CWC27: variants seen among roughly 807,000 people sequenced by gnomAD.
The protein encoded by CWC27 is spliceosome-associated protein CWC27 homolog.
In CWC27, 47 loss-of-function variants were observed where a neutral mutation model predicts 63.6. The ratio of observed to expected loss-of-function variants is 0.74; its 90% CI spans 0.58 to 0.94. The LOEUF is 0.94. Among genes scored for constraint, CWC27 ranks in the 40% least tolerant of loss-of-function variants. CWC27 has a pLI of 0.00. For missense variants in CWC27, 495 were observed against 554.3 expected, an observed-to-expected ratio of 0.89 and a Z score of 1.07; for synonymous variants, 175 against 179.8, an observed-to-expected ratio of 0.97 and a Z score of 0.22.
At chr5:64,892,229 G>T (rs1446839833) in intron 11 of CWC27, among the ~76,000 whole-genome samples, 2 of 152,074 alleles carry the variant, frequency 1.3e-5, no homozygotes, top group Non-Finnish European at 2.9e-5. Flanking sequence ...TTTGACAAGA[G>T]CCTTTAGCTA....
At chr5:64,907,421 T>G (rs1747672060) in intron 11 of CWC27, among the ~76,000 whole-genome samples, 1 of 152,212 alleles carries the variant, frequency 6.6e-6, no homozygotes, top group South Asian at 2.1e-4. Flanking sequence ...TTTATTCTCT[T>G]TGTAACAATT....
At chr5:64,827,966 G>A (rs993884044) in intron 10 of CWC27, among the ~76,000 whole-genome samples, 1 of 152,098 alleles carries the variant, frequency 6.6e-6, no homozygotes, top group African/African-American at 2.4e-5. Flanking sequence ...TAGCTGCCTG[G>A]TAGTCACTTA....
rs528107701 is a variant in CWC27, at chr5:64,827,091, A to T, written c.938+22705A>T. On this transcript the variant is annotated intron_variant, in intron 10 of 13. Coordinates refer to ENST00000381070, the MANE Select transcript of CWC27 (RefSeq NM_005869.4). ...AAAGAAAATAGAAAGTTAACATAGC[A>T]GGTCTTCGCATCCTTTCCTTAGAAG... Among the ~76,000 whole-genome samples, 6 of 152,282 alleles carry T rather than the reference A, an allele frequency of 3.9e-5. No homozygotes were observed. The East Asian group carries it at 7.7e-4, about 20-fold the overall frequency.
chr5:64,898,259 T>C (rs116498765), intron 11 of CWC27, among the ~76,000 whole-genome samples: 114 of 152,244 alleles, frequency 7.5e-4, no homozygotes, highest in African/African-American at 2.7e-3. Context: ...TAAGCAGTTA[T>C]TGCATTAGAT....
intron 11 of CWC27, among the ~76,000 whole-genome samples, chr5:64,887,559 G>T (rs1046951943): frequency 1.3e-5 from 2 of 151,974 alleles, no homozygotes; most frequent in Non-Finnish European, 2.9e-5. Context: ...GTAGAGACAG[G>T]GTTTCACCAT....
intron 10 of CWC27, among the ~76,000 whole-genome samples, chr5:64,823,490 C>A (rs995611418): frequency 1.4e-4 from 21 of 152,144 alleles, no homozygotes; most frequent in African/African-American, 5.1e-4. Context: ...GACAAGCCTA[C>A]CTACAAAATT....
intron 2 of CWC27, among the ~76,000 whole-genome samples, chr5:64,781,273 A>G (rs1204635783): frequency 1.3e-5 from 2 of 152,174 alleles, no homozygotes; most frequent in Non-Finnish European, 2.9e-5. Flanking sequence ...GGACTCAAGT[A>G]TGTATTGTGT....
intron 11 of CWC27, among the ~76,000 whole-genome samples, chr5:64,885,968 A>G (rs888716042): frequency 1.3e-5 from 2 of 152,154 alleles, no homozygotes; most frequent in Admixed American, 6.5e-5. Context: ...ATATTCTTTA[A>G]AACATTTTTA....
At chr5:64,826,379 T>C (rs1745359308) in intron 10 of CWC27, among the ~76,000 whole-genome samples, 1 of 152,182 alleles carries the variant, frequency 6.6e-6, no homozygotes, top group Admixed American at 6.5e-5. Flanking sequence ...TTTCAGTTAT[T>C]TGACATTTAT....
At chr5:64,965,760 A>G (rs1187669632) in intron 11 of CWC27, among the ~76,000 whole-genome samples, 1 of 152,166 alleles carries the variant, frequency 6.6e-6, no homozygotes, top group East Asian at 1.9e-4. Flanking sequence ...CTATCACCAA[A>G]CAGATATTTT....
chr5:64,888,895 C>G (rs534169553), intron 11 of CWC27, among the ~76,000 whole-genome samples: 27 of 152,094 alleles, frequency 1.8e-4, no homozygotes, highest in Non-Finnish European at 3.8e-4. Context: ...AGTACAGCAA[C>G]TCAGCAGACA....
chr5:65,001,629 T>A (rs1749733586), intron 13 of CWC27, among the ~76,000 whole-genome samples: 1 of 152,206 alleles, frequency 6.6e-6, no homozygotes. Flanking sequence ...TTTATTGATT[T>A]GTGTATGTTG....
At position 64,855,479 on chromosome 5, in the gene CWC27, A is replaced by T. The variant is rs536341390; in HGVS notation, c.939-29964A>T. Among the ~76,000 whole-genome samples the T allele has an allele frequency of 2.6e-4, 39 of 152,238 alleles. 1 individual carries two copies. In the South Asian group the frequency reaches 7.9e-3, roughly 31 times the overall value. On this transcript the variant is annotated intron_variant, in intron 10 of 13. Coordinates refer to ENST00000381070, the MANE Select transcript of CWC27 (RefSeq NM_005869.4). ...AAAATAAAGAGATTTCAGTTAATTT[A>T]TTGCTTCTTTGAGAGCAATATAAGA...
At chr5:64,842,987 TA>T (rs1165059544) in intron 10 of CWC27, among the ~76,000 whole-genome samples, 21 of 152,336 alleles carry the variant, frequency 1.4e-4, no homozygotes, top group East Asian at 9.6e-4. Flanking sequence ...TGTTTCACCT[TA>T]AAAGGAATCA....
rs145702388 is a variant in CWC27, at chr5:64,942,222, C to T, written c.1043-29481C>T. Among the ~76,000 whole-genome samples the T allele has an allele frequency of 4.5e-3, 676 of 151,296 alleles. 5 individuals are homozygous for T. The highest frequency in any genetic ancestry group is 0.014 in the African/African-American group (565 of 41,254). ...AGGAGTATGCTTGAGGTCAGGAGTT[C>T]GAGACCAGCCCAGGCAACATAGTAA... On this transcript the variant is annotated intron_variant, in intron 11 of 13. Coordinates refer to ENST00000381070, the MANE Select transcript of CWC27 (RefSeq NM_005869.4).
At chr5:64,877,165 G>C (rs999065527) in intron 10 of CWC27, among the ~76,000 whole-genome samples, 2 of 151,978 alleles carry the variant, frequency 1.3e-5, no homozygotes, top group African/African-American at 4.8e-5. Flanking sequence ...GTCGACCTTA[G>C]AGTCCATCAT....
At chr5:64,780,201 T>G (rs1045132388) in intron 2 of CWC27, among the ~76,000 whole-genome samples, 6 of 152,206 alleles carry the variant, frequency 3.9e-5, no homozygotes, top group African/African-American at 1.4e-4. Flanking sequence ...AGCATGTTTT[T>G]GAAGTTCATC....
chr5:65,006,761 G>A (rs1231969774), intron 13 of CWC27, among the ~76,000 whole-genome samples: 1 of 151,832 alleles, frequency 6.6e-6, no homozygotes, highest in African/African-American at 2.4e-5. Context: ...GATTACGCAT[G>A]GTGACTTCCT....
At chr5:64,800,421 G>A in intron 8 of CWC27, 94 bp downstream of exon 8, 1 of 831,134 alleles carries the variant, frequency 1.2e-6, no homozygotes, top group Non-Finnish European at 1.8e-6. Flanking sequence ...GTCCTCATAA[G>A]TCAAAAATTT....
Sources: allele counts gnomAD v4.1 joint callset (sites outside exome capture counted in the v4.1 genomes callset), GRCh38; gene constraint gnomAD v4.1.1; transcripts MANE v1.5; gene names NCBI Gene and HGNC (gene_info 2026-07-23, HGNC 2026-07-21).